The following CFAP61 variants were observed in gnomAD, a reference collection of about 807,000 sequenced individuals.
The protein encoded by CFAP61 is cilia- and flagella-associated protein 61.
A neutral mutation model predicts 135.6 loss-of-function variants in CFAP61; 107 were observed. That is an observed-to-expected ratio of 0.79 (90% CI 0.67 to 0.93). The LOEUF is 0.93. Among genes scored for constraint, CFAP61 ranks in the 40% least tolerant of loss-of-function variants. The pLI, the probability that CFAP61 is intolerant of heterozygous loss-of-function variation, is 0.00. For synonymous variants in CFAP61, 575 were observed against 578.5 expected (o/e 0.99, Z 0.09); for missense variants, 1,507 against 1,556.2 (o/e 0.97, Z 0.53).
intron 2 of CFAP61, among the ~76,000 whole-genome samples, chr20:20,061,665 T>C (rs890710594): frequency 6.6e-6 from 1 of 152,216 alleles, no homozygotes; most frequent in Admixed American, 6.5e-5. Flanking sequence ...CTAAAATAGA[T>C]AAAAGTGAAA....
chr20:20,246,894 A>C (rs942787099), intron 19 of CFAP61, among the ~76,000 whole-genome samples: 11 of 152,120 alleles, frequency 7.2e-5, no homozygotes, highest in Admixed American at 2.0e-4. Flanking sequence ...TGTGAAAAAG[A>C]CTCATTTTGC....
chr20:20,121,620 G>A (rs1361778369), intron 8 of CFAP61, among the ~76,000 whole-genome samples: 6 of 151,982 alleles, frequency 3.9e-5, no homozygotes, highest in Admixed American at 6.6e-5. Context: ...TCGGCCTCCC[G>A]AGTAACTGGA....
At chr20:20,295,451 C>T (rs2055349449) in intron 24 of CFAP61, among the ~76,000 whole-genome samples, 1 of 152,110 alleles carries the variant, frequency 6.6e-6, no homozygotes, top group African/African-American at 2.4e-5. Context: ...AGCCTTACTG[C>T]CGTGGTGCAG....
chr20:20,263,043 G>A lies in CFAP61; in HGVS notation c.2416G>A (p.Val806Ile), dbSNP rs1288236210. Residue 806 changes from valine to isoleucine, a missense_variant, in exon 21 of 27, where the codon GTT becomes ATT. Coordinates refer to ENST00000245957, the MANE Select transcript of CFAP61 (RefSeq NM_015585.4). Reference protein sequence around the residue: ...NSSQRRYTGKVPCNHFTLNEE... With the variant: ...NSSQRRYTGKIPCNHFTLNEE... ...CAGTCAGCGGCGGTACACGGGGAAA[G>A]TTCCTTGCAACCATTTCACTCTCAA... 1.2e-6 allele frequency: 2 copies of A among 1,613,952 alleles called. No individual in the cohort carries two copies. Among genetic ancestry groups the A allele is most frequent in the African/African-American group, 2.7e-5 (2 of 74,902 alleles).
intron 9 of CFAP61, among the ~76,000 whole-genome samples, chr20:20,153,974 T>G (rs2052666341): frequency 6.6e-6 from 1 of 152,020 alleles, no homozygotes; most frequent in Non-Finnish European, 1.5e-5. Context: ...AAATGCTAGC[T>G]AACCATATCC....
intron 9 of CFAP61, among the ~76,000 whole-genome samples, chr20:20,148,374 C>T (rs1054631527): frequency 2.8e-5 from 3 of 107,644 alleles, no homozygotes; most frequent in African/African-American, 1.1e-4. Flanking sequence ...TTGATTCTAC[C>T]CATCCATGAG....
intron 6 of CFAP61, among the ~76,000 whole-genome samples, chr20:20,079,230 T>C (rs778926602): frequency 1.3e-4 from 20 of 152,166 alleles, no homozygotes; most frequent in Non-Finnish European, 2.5e-4. Flanking sequence ...CAGGACCTAG[T>C]CCTCAGTTTT....
chr20:20,318,106 C>T (rs890100953), intron 25 of CFAP61, among the ~76,000 whole-genome samples: 16 of 152,194 alleles, frequency 1.1e-4, no homozygotes, highest in African/African-American at 3.4e-4. Context: ...TTGGGTCAAT[C>T]GTTGCCCTCA....
intron 25 of CFAP61, among the ~76,000 whole-genome samples, chr20:20,305,968 A>G (rs1301632511): frequency 2.0e-5 from 3 of 152,164 alleles, no homozygotes; most frequent in African/African-American, 7.2e-5. Flanking sequence ...AAGATGGTCA[A>G]CTTTAGATCT....
intron 13 of CFAP61, among the ~76,000 whole-genome samples, chr20:20,175,119 C>G (rs1033418801): frequency 1.3e-5 from 2 of 152,220 alleles, no homozygotes; most frequent in Non-Finnish European, 2.9e-5. Flanking sequence ...GGACTCACAC[C>G]TGGCTTTTAG....
intron 26 of CFAP61, 43 bp from the exon 27 acceptor site, chr20:20,360,167 G>A (rs992974552): frequency 1.4e-6 from 2 of 1,436,056 alleles, no homozygotes; most frequent in African/African-American, 2.8e-5. Flanking sequence ...ACTGTGCAGG[G>A]TCCAATTAAT....
intron 8 of CFAP61, among the ~76,000 whole-genome samples, chr20:20,106,039 T>TATATATAC (rs1390221098): frequency 1.2e-5 from 1 of 80,342 alleles, no homozygotes; most frequent in South Asian, 3.9e-4. Flanking sequence ...TATATATATA[T>TATATATAC]ATATATATAT....
intron 24 of CFAP61, among the ~76,000 whole-genome samples, chr20:20,291,541 C>A (rs916258452): frequency 6.6e-6 from 1 of 152,130 alleles, no homozygotes; most frequent in East Asian, 1.9e-4. Context: ...CTGGTTGTAT[C>A]GGTTTATTTA....
intron 25 of CFAP61, among the ~76,000 whole-genome samples, chr20:20,305,470 C>T (rs1337486343): frequency 2.0e-5 from 3 of 152,192 alleles, no homozygotes; most frequent in East Asian, 1.9e-4. Flanking sequence ...CCTGTTTTTC[C>T]GGATTTATCA....
At chr20:20,216,985 C>T (rs1334887524) in intron 17 of CFAP61, among the ~76,000 whole-genome samples, 2 of 152,148 alleles carry the variant, frequency 1.3e-5, no homozygotes, top group African/African-American at 4.8e-5. Flanking sequence ...AGCTTCCTTC[C>T]TGTTGACGTT....
At chr20:20,196,850 T>G in intron 16 of CFAP61, 74 bp downstream of exon 16, 1 of 1,241,664 alleles carries the variant, frequency 8.1e-7, no homozygotes, top group Non-Finnish European at 1.2e-6. Context: ...CGCCGCATTC[T>G]ATTCATTCCT....
At chr20:20,347,518 G>C (rs1405653243) in intron 26 of CFAP61, among the ~76,000 whole-genome samples, 1 of 152,140 alleles carries the variant, frequency 6.6e-6, no homozygotes, top group Non-Finnish European at 1.5e-5. Context: ...ACTAAAGTTA[G>C]AAATACAAGT....
At chr20:20,253,375 T>C (rs1485990048) in intron 20 of CFAP61, 2 of 215,420 alleles carry the variant, frequency 9.3e-6, no homozygotes, top group African/African-American at 4.7e-5. Context: ...CAGCCTCTTC[T>C]GGTTTAGGAA....
At chr20:20,342,912 G>A (rs1406332981) in intron 26 of CFAP61, among the ~76,000 whole-genome samples, 1 of 151,832 alleles carries the variant, frequency 6.6e-6, no homozygotes, top group African/African-American at 2.4e-5. Flanking sequence ...GCAGGCTGGA[G>A]TGCAATGGCG....
Sources: gnomAD v4.1 joint callset for allele counts (sites outside exome capture counted in the v4.1 genomes callset) on GRCh38, gnomAD v4.1.1 for gene constraint, MANE v1.5 for transcripts, NCBI Gene and HGNC (gene_info 2026-07-23, HGNC 2026-07-21) for gene names.